ADAMTS9: variants seen among roughly 807,000 people sequenced by gnomAD.
The protein encoded by ADAMTS9 is A disintegrin and metalloproteinase with thrombospondin motifs 9.
In ADAMTS9, 107 loss-of-function variants were observed where a neutral mutation model predicts 257.1. That is an observed-to-expected ratio of 0.42 (90% CI 0.36 to 0.49). The LOEUF is 0.49. ADAMTS9 is among the 20% of genes least tolerant of loss of function. The probability of loss-of-function intolerance (pLI) is 0.03; values close to 1 mark genes in which losing one functional copy is unlikely to be tolerated. For missense variants in ADAMTS9, 2,353 were observed against 2,469.1 expected (o/e 0.95, Z 1.00); for synonymous variants, 982 against 880.9 (o/e 1.11, Z -2.03).
chr3:64,622,450 TGTTGA>T lies in ADAMTS9; in HGVS notation c.2521_2525del (p.Ser841ArgfsTer4). On this transcript the variant is annotated frameshift_variant, in exon 17 of 40. Coordinates refer to ENST00000498707, the MANE Select transcript of ADAMTS9 (RefSeq NM_182920.2). LOFTEE classifies it high-confidence loss of function. ...GCAAAAGTTCTTGCTCAATGCGATC[TGTTGA>T]GTTAATTCTTTCTACGGCAGTCTCG... The T allele has an allele frequency of 6.2e-7, 1 of 1,614,062 alleles. No homozygotes were observed. The highest frequency in any genetic ancestry group is 8.5e-7 in the Non-Finnish European group (1 of 1,179,986).
intron 37 of ADAMTS9, among the ~76,000 whole-genome samples, chr3:64,535,314 G>A (rs1378029876): frequency 6.6e-6 from 1 of 152,100 alleles, no homozygotes; most frequent in Non-Finnish European, 1.5e-5. Context: ...AGGAAGTGTA[G>A]GTTGCAGTGA....
chr3:64,533,597 C>G (rs1297616825), intron 37 of ADAMTS9, among the ~76,000 whole-genome samples: 1 of 152,200 alleles, frequency 6.6e-6, no homozygotes, highest in Admixed American at 6.5e-5. Flanking sequence ...TTGCTCCATT[C>G]GGCCTCCCTA....
chr3:64,561,663 T>C lies in ADAMTS9; in HGVS notation c.4613A>G (p.Asn1538Ser), dbSNP rs1252146059. 6.2e-7 allele frequency: 1 copy of C among 1,614,030 alleles called. No individual in the cohort carries two copies. The highest frequency in any genetic ancestry group is 8.5e-7 in the Non-Finnish European group (1 of 1,179,976). ...TTCCGACTCCGGTCTGGTGTATGGG[T>C]TGCACTCGGTCTCTCTGGCTATTTT... ...THKIARETEC[N>S]PYTRPESERD... The change falls in exon 30 of 40, where the codon AAC becomes AGC. Residue 1538 changes from asparagine to serine, a missense_variant. Coordinates refer to ENST00000498707, the MANE Select transcript of ADAMTS9 (RefSeq NM_182920.2).
At chr3:64,598,082 A>T (rs6782076) in intron 26 of ADAMTS9, among the ~76,000 whole-genome samples, 12,702 of 152,178 alleles carry the variant, frequency 0.083, 627 homozygotes, top group African/African-American at 0.14. Context: ...TTTTGTTGCT[A>T]ATTGAACTGG....
chr3:64,550,699 C>G, intron 31 of ADAMTS9, 193 bp downstream of exon 31: 2 of 630,048 alleles, frequency 3.2e-6, no homozygotes, highest in Middle Eastern at 4.3e-4. Context: ...TCTCTTACAT[C>G]TCTCCCGCTT....
chr3:64,604,264 G>A lies in ADAMTS9; in HGVS notation c.3542C>T (p.Ala1181Val). The A allele has an allele frequency of 1.2e-6, 2 of 1,613,792 alleles. No individual in the cohort carries two copies. Among genetic ancestry groups the A allele is most frequent in the Non-Finnish European group, 1.7e-6 (2 of 1,179,856 alleles). ...APETRRSTYS[A>V]PRTQWRFGSW... ...CCCAAATCGCCACTGGGTTCTTGGT[G>A]CACTGTATGTGCTTCTCCTCGTTTC... Residue 1181 changes from alanine (A) to valine (V), a missense_variant, in exon 24 of 40, where the codon GCA (alanine) becomes GTA (valine). Ala to Val is a moderately conservative substitution (Grantham distance 64). Coordinates refer to ENST00000498707, the MANE Select transcript of ADAMTS9 (RefSeq NM_182920.2).
chr3:64,621,208 C>T lies in ADAMTS9; in HGVS notation c.2719G>A (p.Glu907Lys), dbSNP rs781291689. Residue 907 changes from glutamate (E) to lysine (K), a missense_variant, in exon 19 of 40, where the codon GAA becomes AAA. Transcript: ENST00000498707. ...ERKRKLVCTR[E>K]SDQLTVSDQR... ...TCAGAAACAGTAAGCTGATCAGATT[C>T]CCTGGTGCAAACAAGTTTTCGTTTC... is the stretch of plus-strand genomic sequence containing the variant. 6.2e-7 allele frequency: 1 copy of T among 1,613,736 alleles called. No individual in the cohort carries two copies. Among genetic ancestry groups the T allele is most frequent in the South Asian group, 1.1e-5 (1 of 91,060 alleles).
rs2082861308 is a variant in ADAMTS9 at position 64,522,190 on chromosome 3, A to G, written c.5789T>C (p.Leu1930Pro). Residue 1930 changes from leucine (L) to proline (P), a missense_variant, in exon 39 of 40, where the codon CTG (leucine) becomes CCG (proline). Coordinates refer to ENST00000498707, the MANE Select transcript of ADAMTS9 (RefSeq NM_182920.2). Reference sequence around the variant, plus strand: ...CCTTAGCTATAAAACTCGCACCTCCAGGCCAGTACCAGAGGATGGAGTGCA... The same window carrying G: ...CCTTAGCTATAAAACTCGCACCTCCGGGCCAGTACCAGAGGATGGAGTGCA... ...GKCTPSSGTG[L>P]EVRVL 2 of 1,613,908 alleles carry G rather than the reference A, an allele frequency of 1.2e-6. No homozygotes were observed. Among genetic ancestry groups the G allele is most frequent in the Admixed American group, 1.7e-5 (1 of 59,974 alleles).
In ADAMTS9 at chr3:64,672,415, G is replaced by A. The variant is rs140706142; in HGVS notation, c.679+8786C>T. Reference sequence around the variant, plus strand: ...AAAGTTTTAGGGGCCAAGTGTGGTGGCTCATGCCTGTAATCCCAGCATTTT... The same window carrying A: ...AAAGTTTTAGGGGCCAAGTGTGGTGACTCATGCCTGTAATCCCAGCATTTT... On this transcript the variant is annotated intron_variant, in intron 3 of 39. Transcript: ENST00000498707. 5.9e-4 allele frequency among the ~76,000 whole-genome samples: 90 copies of A among 152,288 alleles called. No individual in the cohort carries two copies. The East Asian group carries it at 0.017, about 29-fold the overall frequency.
At chr3:64,593,097 C>T (rs974319553) in intron 28 of ADAMTS9, among the ~76,000 whole-genome samples, 1 of 152,104 alleles carries the variant, frequency 6.6e-6, no homozygotes, top group Non-Finnish European at 1.5e-5. Context: ...CCCAGAGTGG[C>T]GTTTCTTAAG....
chr3:64,521,089 C>T (rs1408497939), intron 39 of ADAMTS9, among the ~76,000 whole-genome samples: 1 of 151,902 alleles, frequency 6.6e-6, no homozygotes, highest in African/African-American at 2.4e-5. Context: ...GGAACTTAAG[C>T]AAATCAACAA....
At chr3:64,637,596 C>A (rs561148755) in intron 12 of ADAMTS9, among the ~76,000 whole-genome samples, 4 of 152,206 alleles carry the variant, frequency 2.6e-5, no homozygotes, top group Admixed American at 2.0e-4. Flanking sequence ...AAACTTTGGT[C>A]TGCAAAAGGG....
intron 29 of ADAMTS9, among the ~76,000 whole-genome samples, chr3:64,564,548 G>T (rs1163039204): frequency 6.6e-6 from 1 of 151,852 alleles, no homozygotes; most frequent in South Asian, 2.1e-4. Flanking sequence ...ATATGCTAGG[G>T]TTTCTATACT....
At chr3:64,603,863 C>G in intron 25 of ADAMTS9, 59 bp downstream of exon 25, 1 of 1,584,780 alleles carries the variant, frequency 6.3e-7, no homozygotes, top group Non-Finnish European at 8.6e-7. Context: ...TCCGCTGACT[C>G]CTCATAGCCC....
chr3:64,578,219 G>A (rs2083903745), intron 28 of ADAMTS9, among the ~76,000 whole-genome samples: 2 of 151,656 alleles, frequency 1.3e-5, no homozygotes, highest in Non-Finnish European at 2.9e-5. Context: ...ACAGCACACA[G>A]TCACTCTCAA....
At position 64,547,427 on chromosome 3, in the gene ADAMTS9, T is replaced by C. The variant is rs2083215802; in HGVS notation, c.4870-475A>G. ...ACTGAGCCAACGGGGACTCTGGGAC[T>C]GTTTTCCTTCCCTCCGTGGTGCTGT... On this transcript the variant is annotated intron_variant, in intron 31 of 39. Coordinates refer to ENST00000498707, the MANE Select transcript of ADAMTS9 (RefSeq NM_182920.2). Among the ~76,000 whole-genome samples the C allele has an allele frequency of 2.0e-5, 3 of 151,128 alleles. No individual in the cohort carries two copies. In the South Asian group the frequency reaches 6.2e-4, roughly 31 times the overall value.
intron 28 of ADAMTS9, chr3:64,590,101 T>C (rs2106779058): frequency 6.6e-6 from 1 of 152,272 alleles, no homozygotes; most frequent in South Asian, 2.1e-4. Flanking sequence ...ATAGTTGAGA[T>C]TCAATAATTC....
chr3:64,658,387 G>A, intron 4 of ADAMTS9, 115 bp downstream of exon 4: 2 of 1,096,550 alleles, frequency 1.8e-6, no homozygotes, highest in South Asian at 1.6e-5. Context: ...TCAGTCACTT[G>A]CCTGAATGGC....
intron 3 of ADAMTS9, among the ~76,000 whole-genome samples, chr3:64,665,613 T>G (rs1037251252): frequency 2.0e-5 from 3 of 152,222 alleles, no homozygotes. Context: ...TAAGTGTGCT[T>G]AAAAACAATT....
Sources: gnomAD v4.1 joint callset for allele counts (sites outside exome capture counted in the v4.1 genomes callset) on GRCh38, gnomAD v4.1.1 for gene constraint, MANE v1.5 for transcripts, NCBI Gene and HGNC (gene_info 2026-07-23, HGNC 2026-07-21) for gene names.